The following TMEM272 variants were observed in gnomAD, a reference collection of about 807,000 sequenced individuals.
The protein encoded by TMEM272 is long intergenic non-protein coding RNA 282.
A neutral mutation model predicts 3.7 loss-of-function variants in TMEM272; 8 were observed. The ratio of observed to expected loss-of-function variants is 2.17; its 90% CI spans 1.27 to 3.91. The LOEUF (loss-of-function observed/expected upper bound fraction) is 3.91, where lower values mean the gene tolerates loss of function less well. Ranked by LOEUF, TMEM272 falls within the 30% of genes most tolerant of loss-of-function variation. TMEM272 has a pLI of 0.00. For missense variants in TMEM272, 166 were observed against 91.5 expected (o/e 1.81, Z -3.32); for synonymous variants, 63 against 39.8 (o/e 1.58, Z -2.20).
At chr13:51,920,634 G>C in the TMEM272 span, among the ~76,000 whole-genome samples, 1 of 152,132 alleles carries the variant, frequency 6.6e-6, no homozygotes, top group Admixed American at 6.5e-5. Context: ...CTCACTCACA[G>C]GGCAGTATCT....
At chr13:51,817,630 C>T (rs1956044843) in intron 4 of TMEM272, among the ~76,000 whole-genome samples, 1 of 152,164 alleles carries the variant, frequency 6.6e-6, no homozygotes, top group African/African-American at 2.4e-5. Context: ...CGTTTCCTCC[C>T]CACCCCAGCC....
the TMEM272 span, among the ~76,000 whole-genome samples, chr13:51,882,742 T>TA: frequency 2.7e-5 from 4 of 149,960 alleles, no homozygotes; most frequent in Non-Finnish European, 5.9e-5. Context: ...ATAAATATAA[T>TA]AAAAATAAAT....
chr13:51,844,602 T>A (rs2139595069), intron 1 of TMEM272, among the ~76,000 whole-genome samples: 1 of 152,244 alleles, frequency 6.6e-6, no homozygotes, highest in East Asian at 1.9e-4. Flanking sequence ...GTTTGGCTCC[T>A]AGGAAATGAA....
the TMEM272 span, among the ~76,000 whole-genome samples, chr13:51,869,279 C>T: frequency 2.6e-5 from 4 of 152,302 alleles, no homozygotes; most frequent in East Asian, 7.7e-4. Context: ...TTATTAACCT[C>T]AACAAAGCTA....
the TMEM272 span, among the ~76,000 whole-genome samples, chr13:51,854,306 A>T: frequency 1.1e-4 from 16 of 152,318 alleles, no homozygotes; most frequent in Non-Finnish European, 2.2e-4. Flanking sequence ...AGTTTCATGT[A>T]AGAATACTTC....
At chr13:51,866,640 T>C in the TMEM272 span, among the ~76,000 whole-genome samples, 3 of 152,202 alleles carry the variant, frequency 2.0e-5, no homozygotes, top group African/African-American at 7.2e-5. Context: ...TACGACCCAC[T>C]CACTGGTAGT....
At chr13:51,826,230 G>A (rs1057359965) in intron 3 of TMEM272, among the ~76,000 whole-genome samples, 2 of 151,626 alleles carry the variant, frequency 1.3e-5, no homozygotes, top group Non-Finnish European at 2.9e-5. Context: ...TTCCACAAGG[G>A]AACATAGGAA....
chr13:51,820,427 T>C (rs369503841), intron 4 of TMEM272, among the ~76,000 whole-genome samples: 81 of 152,350 alleles, frequency 5.3e-4, no homozygotes, highest in South Asian at 4.8e-3. Flanking sequence ...GTATATTACC[T>C]TGCCATCATG....
intron 1 of TMEM272, among the ~76,000 whole-genome samples, chr13:51,842,971 G>A (rs768582976): frequency 5.3e-5 from 8 of 152,110 alleles, no homozygotes; most frequent in Non-Finnish European, 1.0e-4. Flanking sequence ...TTGGATTTGA[G>A]GTAAAATTGA....
chr13:51,915,521 A>T, the TMEM272 span, among the ~76,000 whole-genome samples: 1 of 152,284 alleles, frequency 6.6e-6, no homozygotes, highest in Non-Finnish European at 1.5e-5. Flanking sequence ...AGAATTCTCC[A>T]GAGTAGCTTT....
chr13:51,873,984 G>C, the TMEM272 span, among the ~76,000 whole-genome samples: 1 of 152,220 alleles, frequency 6.6e-6, no homozygotes, highest in Non-Finnish European at 1.5e-5. Flanking sequence ...CTTACAGCCA[G>C]AACTCAGACA....
intron 1 of TMEM272, among the ~76,000 whole-genome samples, chr13:51,839,825 C>A (rs1386097517): frequency 6.6e-6 from 1 of 152,234 alleles, no homozygotes; most frequent in Non-Finnish European, 1.5e-5. Flanking sequence ...CTTCTCTCTG[C>A]AGCTGATCCA....
In TMEM272 at chr13:51,819,746, A is replaced by AT. The variant is rs548768006; in HGVS notation, c.201+2308dup. 9.8e-5 allele frequency among the ~76,000 whole-genome samples: 15 copies of AT among 152,340 alleles called. No homozygotes were observed. The South Asian group carries it at 3.1e-3, about 32-fold the overall frequency. The stretch of plus-strand genomic sequence containing the variant: ...TCCAAATGAGGGCAGAGCCGTCAGC[A>AT]TGGCATCAGCAAAAAGCACATGCTT... On this transcript the variant is annotated intron_variant, in intron 4 of 4. Transcript: ENST00000629372.
At chr13:51,825,723 G>C (rs1956119044) in intron 3 of TMEM272, among the ~76,000 whole-genome samples, 1 of 151,112 alleles carries the variant, frequency 6.6e-6, no homozygotes, top group African/African-American at 2.4e-5. Flanking sequence ...AGTCCCCCGA[G>C]TAGCTGGGAC....
the TMEM272 span, among the ~76,000 whole-genome samples, chr13:51,874,377 A>C: frequency 6.6e-6 from 1 of 152,188 alleles, no homozygotes; most frequent in Non-Finnish European, 1.5e-5. Flanking sequence ...GCCAAGATAG[A>C]GAGTAACTGT....
the TMEM272 span, among the ~76,000 whole-genome samples, chr13:51,918,868 G>A: frequency 6.2e-5 from 8 of 129,644 alleles, no homozygotes; most frequent in Admixed American, 6.9e-4. Flanking sequence ...GGCTGGTCTC[G>A]AACTCTTGAG....
At chr13:51,835,263 A>G (rs1400969715) in intron 2 of TMEM272, among the ~76,000 whole-genome samples, 1 of 150,686 alleles carries the variant, frequency 6.6e-6, no homozygotes, top group African/African-American at 2.4e-5. Flanking sequence ...TCACTCTGTC[A>G]CCAGGCTAGA....
the TMEM272 span, among the ~76,000 whole-genome samples, chr13:51,888,639 CTTTTTTTTTT>C: frequency 3.9e-5 from 3 of 76,794 alleles, no homozygotes; most frequent in African/African-American, 4.9e-5. Context: ...TTTTCTTTTT[CTTTTTTTTTT>C]TTTTTTTTTT....
intron 1 of TMEM272, among the ~76,000 whole-genome samples, chr13:51,842,977 A>G (rs1014839566): frequency 6.6e-6 from 1 of 152,208 alleles, no homozygotes; most frequent in African/African-American, 2.4e-5. Context: ...TTGAGGTAAA[A>G]TTGACTTATA....
Sources: allele counts gnomAD v4.1 joint callset (sites outside exome capture counted in the v4.1 genomes callset), GRCh38; gene constraint gnomAD v4.1.1; transcripts MANE v1.5; gene names NCBI Gene and HGNC (gene_info 2026-07-23, HGNC 2026-07-21).